Variants in BLNK observed in about 807,000 individuals in gnomAD.
The protein encoded by BLNK is B-cell linker protein.
In BLNK, 29 loss-of-function variants were observed where a neutral mutation model predicts 73.5. The observed-to-expected ratio is 0.39, with a 90% confidence interval of 0.29 to 0.54. The LOEUF (loss-of-function observed/expected upper bound fraction) is 0.54, where lower values mean the gene tolerates loss of function less well. Among genes scored for constraint, BLNK ranks in the 20% least tolerant of loss-of-function variants. The pLI, the probability that BLNK is intolerant of heterozygous loss-of-function variation, is 0.61. For synonymous variants in BLNK, 176 were observed against 200.8 expected (o/e 0.88, Z 1.04); for missense variants, 460 against 562.8 (o/e 0.82, Z 1.85).
intron 16 of BLNK, among the ~76,000 whole-genome samples, chr10:96,192,853 A>G (rs2083363757): frequency 6.6e-6 from 1 of 152,254 alleles, no homozygotes; most frequent in African/African-American, 2.4e-5. Context: ...GTTCACACTC[A>G]TTAAATGTAT....
At chr10:96,258,353 A>T (rs1404174719) in intron 1 of BLNK, among the ~76,000 whole-genome samples, 1 of 152,202 alleles carries the variant, frequency 6.6e-6, no homozygotes, top group Non-Finnish European at 1.5e-5. Context: ...ATCAGAGATC[A>T]TGAGTGTCTC....
intron 3 of BLNK, among the ~76,000 whole-genome samples, chr10:96,240,165 T>G (rs1181290702): frequency 2.6e-5 from 4 of 152,224 alleles, no homozygotes; most frequent in Non-Finnish European, 5.9e-5. Context: ...TTTGCTTTCT[T>G]GTTTCTTATC....
intron 11 of BLNK, among the ~76,000 whole-genome samples, chr10:96,206,482 G>C (rs1183336400): frequency 6.9e-6 from 1 of 145,800 alleles, no homozygotes; most frequent in Non-Finnish European, 1.5e-5. Flanking sequence ...CCAGGAATTT[G>C]AAGCTGCAGT....
At chr10:96,259,670 CTTTTTTTT>C (rs57821919) in intron 1 of BLNK, among the ~76,000 whole-genome samples, 8 of 44,870 alleles carry the variant, frequency 1.8e-4, no homozygotes, top group Admixed American at 3.9e-4. Flanking sequence ...CACACCCTAC[CTTTTTTTT>C]TTTTTTTTTT....
At chr10:96,201,661 T>A (rs2083639651) in intron 13 of BLNK, among the ~76,000 whole-genome samples, 1 of 152,218 alleles carries the variant, frequency 6.6e-6, no homozygotes, top group Non-Finnish European at 1.5e-5. Context: ...TGAGAATTGC[T>A]GACTTCAGGC....
intron 1 of BLNK, among the ~76,000 whole-genome samples, chr10:96,257,347 G>A (rs1336347216): frequency 2.6e-5 from 4 of 152,216 alleles, no homozygotes; most frequent in African/African-American, 9.6e-5. Flanking sequence ...CTGGGACAGT[G>A]GTGGCTGGGA....
intron 1 of BLNK, among the ~76,000 whole-genome samples, chr10:96,261,538 C>T (rs997651730): frequency 9.2e-5 from 14 of 152,112 alleles, no homozygotes; most frequent in African/African-American, 3.4e-4. Context: ...GTATATTAAG[C>T]CCAATCATCT....
intron 3 of BLNK, among the ~76,000 whole-genome samples, chr10:96,235,481 C>T (rs1842658440): frequency 6.6e-6 from 1 of 152,180 alleles, no homozygotes; most frequent in Non-Finnish European, 1.5e-5. Flanking sequence ...GCCTAAAGGA[C>T]CTCAGAGTCC....
chr10:96,230,656 C>G, intron 4 of BLNK, 138 bp downstream of exon 4: 2 of 972,756 alleles, frequency 2.1e-6, no homozygotes, highest in Non-Finnish European at 3.2e-6. Flanking sequence ...TGCAGTATGC[C>G]TTGCCTGTAG....
At chr10:96,268,993 G>C (rs1554914894) in intron 1 of BLNK, among the ~76,000 whole-genome samples, 9 of 152,090 alleles carry the variant, frequency 5.9e-5, no homozygotes. Context: ...AATCACAGGA[G>C]GCAAGTATTT....
At position 96,189,677 on chromosome 10, in the gene BLNK, C is replaced by G. The variant is rs1205397048; in HGVS notation, c.*2296G>C. On this transcript the variant is annotated 3_prime_UTR_variant, in exon 17 of 17. Coordinates refer to ENST00000224337, the MANE Select transcript of BLNK (RefSeq NM_013314.4). ...GTAGATTTCTTCAATGGTGCTTTTT[C>G]TTCAGTTTCCTCATCATCAAAATCA... is the stretch of plus-strand genomic sequence containing the variant. 2 of 717,964 alleles carry G rather than the reference C, an allele frequency of 2.8e-6. No homozygotes were observed. The highest frequency in any genetic ancestry group is 3.6e-5 in the Admixed American group (2 of 55,862). 44.5% of individuals were successfully genotyped at this position (717,964 alleles called of 1,614,324 possible).
intron 5 of BLNK, among the ~76,000 whole-genome samples, chr10:96,226,558 G>A (rs1432972605): frequency 6.6e-6 from 1 of 152,062 alleles, no homozygotes; most frequent in African/African-American, 2.4e-5. Flanking sequence ...TGCATACTTG[G>A]GGCCAGGCGC....
At chr10:96,204,330 A>C (rs1301966357) in intron 12 of BLNK, 2 of 708,526 alleles carry the variant, frequency 2.8e-6, no homozygotes, top group Non-Finnish European at 4.7e-6. Flanking sequence ...AAGTTCAATA[A>C]TTAACCCAAT....
At chr10:96,263,914 A>C (rs1197377998) in intron 1 of BLNK, among the ~76,000 whole-genome samples, 1 of 152,192 alleles carries the variant, frequency 6.6e-6, no homozygotes, top group South Asian at 2.1e-4. Context: ...CCCCGAGGTC[A>C]TGTGGGACCT....
chr10:96,237,012 A>G (rs782752912), intron 3 of BLNK, among the ~76,000 whole-genome samples: 13 of 152,172 alleles, frequency 8.5e-5, no homozygotes, highest in Non-Finnish European at 1.6e-4. Flanking sequence ...AGTTATTCCT[A>G]AAATGAGAAG....
intron 15 of BLNK, among the ~76,000 whole-genome samples, chr10:96,198,908 A>T (rs1490945587): frequency 6.6e-6 from 1 of 152,226 alleles, no homozygotes; most frequent in Non-Finnish European, 1.5e-5. Flanking sequence ...CATCTTGGCC[A>T]GGCTGGTCTC....
At position 96,236,426 on chromosome 10, in the gene BLNK, C is replaced by T. The variant is rs370835055; in HGVS notation, c.164-5592G>A. 1.4e-4 allele frequency among the ~76,000 whole-genome samples: 21 copies of T among 152,284 alleles called. No individual in the cohort carries two copies. The East Asian group carries it at 1.9e-3, about 14-fold the overall frequency. On this transcript the variant is annotated intron_variant, in intron 3 of 16. Transcript: ENST00000224337. ...GGAGGCGGTGGGTGGCCAGTCCCAC[C>T]AGTGCCGCCCTAAGAGGAGAAAGGG...
At chr10:96,192,329 G>C (rs942766128) in intron 16 of BLNK, among the ~76,000 whole-genome samples, 32 of 152,166 alleles carry the variant, frequency 2.1e-4, no homozygotes, top group African/African-American at 7.7e-4. Flanking sequence ...TAGCTACTTA[G>C]AGAGATTACT....
intron 8 of BLNK, among the ~76,000 whole-genome samples, chr10:96,211,516 T>C (rs2083948072): frequency 6.6e-6 from 1 of 152,224 alleles, no homozygotes; most frequent in South Asian, 2.1e-4. Context: ...TGTATGTCAC[T>C]GGAGAGAGGC....
Sources: gnomAD v4.1 joint callset for allele counts (sites outside exome capture counted in the v4.1 genomes callset) on GRCh38, gnomAD v4.1.1 for gene constraint, MANE v1.5 for transcripts, NCBI Gene and HGNC (gene_info 2026-07-23, HGNC 2026-07-21) for gene names.